The following ANHX variants were observed in gnomAD, a reference collection of about 807,000 sequenced individuals.
The protein encoded by ANHX is anomalous homeobox.
ANHX carries 20 observed loss-of-function variants against 38.9 expected under a neutral mutation model. The observed-to-expected ratio is 0.51, with a 90% confidence interval of 0.36 to 0.75. ANHX has a LOEUF of 0.75. ANHX is among the 30% of genes least tolerant of loss of function. ANHX has a pLI of 0.00. For missense variants in ANHX, 475 were observed against 493.1 expected (o/e 0.96, Z 0.35); for synonymous variants, 185 against 203.1 (o/e 0.91, Z 0.76).
chr12:133,234,212 T>C lies in ANHX; in HGVS notation c.145A>G (p.Ser49Gly). 1 of 1,536,180 alleles carries C rather than the reference T, an allele frequency of 6.5e-7. No homozygotes were observed. Among genetic ancestry groups the C allele is most frequent in the Non-Finnish European group, 8.7e-7 (1 of 1,146,910 alleles). Residue 49 changes from serine to glycine, a missense_variant, in exon 2 of 10, where the codon AGC (serine) becomes GGC (glycine). Coordinates refer to ENST00000545940, the MANE Select transcript of ANHX (RefSeq NM_001372060.1). ...TCCAGGAGATGCAGGCGGAGCTGGC[T>C]GTCCAGAATGGCTGTGACCAAAGGC... ...LQPLVTAILD[S>G]QLRLHLLDNA... is the part of the protein sequence containing the mutation.
chr12:133,230,462 G>A (rs1344311396), intron 3 of ANHX, among the ~76,000 whole-genome samples: 1 of 152,222 alleles, frequency 6.6e-6, no homozygotes, highest in Non-Finnish European at 1.5e-5. Flanking sequence ...ACCAGGCCCT[G>A]TGGCTCAGGA....
In ANHX at chr12:133,219,014, G is replaced by T. The variant is rs945527095; in HGVS notation, c.1366-43C>A. On this transcript the variant is annotated intron_variant, in intron 9 of 9. Transcript: ENST00000545940. The stretch of plus-strand genomic sequence containing the variant: ...GGTAAACACAGAGGCTTCCTTTCCA[G>T]GCTCAAGACCTGCCCTCCCACCTGG... 2.7e-6 allele frequency: 4 copies of T among 1,495,680 alleles called. No homozygotes were observed. The African/African-American group carries it at 5.5e-5, about 21-fold the overall frequency. 92.7% of individuals were successfully genotyped at this position (1,495,680 alleles called of 1,614,324 possible).
In ANHX at chr12:133,227,035, C is replaced by G. The variant is rs1019114278; in HGVS notation, c.619G>C (p.Ala207Pro). The G allele has an allele frequency of 1.0e-5, 16 of 1,535,920 alleles. No homozygotes were observed. The highest frequency in any genetic ancestry group is 1.4e-5 in the African/African-American group (1 of 73,042). ...CTCTCCCTCGCACCAGGGTCTTCAG[C>G]TGTGGCCTGCTGGGCTGGCTTCATG... ...QHMKPAQQAT[A>P]EDPGARERGP... Residue 207 changes from alanine to proline, a missense_variant, in exon 5 of 10, where the codon GCT becomes CCT. By Grantham distance (27) the Ala-to-Pro change is conservative. Transcript: ENST00000545940.
rs934730876 is a variant in ANHX, at chr12:133,219,331, G to A, written c.1317C>T (p.Pro439=). 1.4e-5 allele frequency: 21 copies of A among 1,534,652 alleles called. No individual in the cohort carries two copies. The Admixed American group carries it at 1.4e-4, about 10-fold the overall frequency. ...TCAGCTCCATGGCAGACACAGGGCC[G>A]GGGAAGGCAGATGGGGCTGGGGCCA... ...PELAPAPSAF[P]GPVSAMELSQ... The change falls in exon 9 of 10, where the codon CCC becomes CCT. Residue 439 remains proline (P), a synonymous_variant. Coordinates refer to ENST00000545940, the MANE Select transcript of ANHX (RefSeq NM_001372060.1).
In ANHX at chr12:133,224,658, A is replaced by G. The variant is rs1358666613; in HGVS notation, c.1132+878T>C. On this transcript the variant is annotated intron_variant, in intron 7 of 9. Coordinates refer to ENST00000545940, the MANE Select transcript of ANHX (RefSeq NM_001372060.1). ...AGGCTGGGTGACAGACCAAGACTCC[A>G]TCTCAAAAAAAAAAAAAAAAAAAAA... is the stretch of plus-strand genomic sequence containing the variant. Among the ~76,000 whole-genome samples the G allele has an allele frequency of 9.7e-3, 635 of 65,312 alleles. 11 individuals are homozygous for G. Among genetic ancestry groups the G allele is most frequent in the African/African-American group, 0.041 (592 of 14,452 alleles). The allele number at this position is 65,312 out of a possible 152,430, so 42.8% of individuals were successfully genotyped here.
rs921892557 is a variant in ANHX at position 133,231,655 on chromosome 12, G to T, written c.250-11C>A. The stretch of plus-strand genomic sequence containing the variant: ...CGGCACCTGGCACCCCTGCCAAGAA[G>T]AGTGTACTGAGCCCTGGCCACCTGC... On this transcript the variant is annotated splice_polypyrimidine_tract_variant and intron_variant, in intron 2 of 9. Transcript: ENST00000545940. 5 of 1,535,788 alleles carry T rather than the reference G, an allele frequency of 3.3e-6. No individual in the cohort carries two copies. In the East Asian group the frequency reaches 1.2e-4, roughly 38 times the overall value.
chr12:133,218,681 T>C lies in ANHX; in HGVS notation c.*204A>G. The stretch of plus-strand genomic sequence containing the variant: ...TCTGATCTCACGAACATTTCTCAAA[T>C]GCTTTCTCTACTACAGGGAATTGCT... On this transcript the variant is annotated 3_prime_UTR_variant, in exon 10 of 10. Transcript: ENST00000545940. 1 of 429,568 alleles carries C rather than the reference T, an allele frequency of 2.3e-6. No homozygotes were observed. The highest frequency in any genetic ancestry group is 4.1e-6 in the Non-Finnish European group (1 of 243,066). 26.6% of individuals were successfully genotyped at this position (429,568 alleles called of 1,614,324 possible).
intron 1 of ANHX, 129 bp from the exon 2 acceptor site, chr12:133,234,507 T>A: frequency 9.4e-7 from 1 of 1,069,428 alleles, no homozygotes; most frequent in Non-Finnish European, 1.3e-6. Flanking sequence ...AGAGTAGGAA[T>A]AAGACCTCAC....
chr12:133,230,319 C>T (rs747481214), intron 3 of ANHX, among the ~76,000 whole-genome samples: 1 of 152,264 alleles, frequency 6.6e-6, no homozygotes, highest in Non-Finnish European at 1.5e-5. Flanking sequence ...GAAGACCCCA[C>T]AGCTGATTTA....
At position 133,221,893 on chromosome 12, in the gene ANHX, T is replaced by C. The variant is rs1353220406; in HGVS notation, c.1133-541A>G. On this transcript the variant is annotated intron_variant, in intron 7 of 9. Coordinates refer to ENST00000545940, the MANE Select transcript of ANHX (RefSeq NM_001372060.1). This position sits in a 1 kb window ranked among gnomAD's most constrained non-coding sequence, Gnocchi z 4.1. ...AAGCTACTGTGGTTTTGGTCAATTC[T>C]GGGTGGACATTTAGGAGAGCTGTGG... Among the ~76,000 whole-genome samples the C allele has an allele frequency of 6.6e-6, 1 of 152,348 alleles. No homozygotes were observed. The highest frequency in any genetic ancestry group is 1.9e-4 in the East Asian group (1 of 5,180).
intron 1 of ANHX, 100 bp downstream of exon 1, chr12:133,235,707 C>T (rs1236292954): frequency 8.3e-5 from 11 of 132,466 alleles, no homozygotes; most frequent in East Asian, 2.3e-4. Context: ...GCGCCCCTCA[C>T]CCTCTGGGAC....
chr12:133,220,650 TAGAAC>T (rs1251453580), intron 8 of ANHX, among the ~76,000 whole-genome samples: 1 of 152,112 alleles, frequency 6.6e-6, no homozygotes. Flanking sequence ...GGGCGTCTGC[TAGAAC>T]AGGAGTGGCG....
chr12:133,227,275 C>T, intron 4 of ANHX, 123 bp from the exon 5 acceptor site: 3 of 1,057,966 alleles, frequency 2.8e-6, no homozygotes, highest in Non-Finnish European at 4.0e-6. Flanking sequence ...CTAACCTCTC[C>T]AAGGACAGCA....
chr12:133,220,575 G>C (rs1474277510), intron 8 of ANHX, among the ~76,000 whole-genome samples: 1 of 152,184 alleles, frequency 6.6e-6, no homozygotes, highest in Non-Finnish European at 1.5e-5. Context: ...GCAGCTCCCT[G>C]ATGAGGGAGA....
Position 133,221,300 on chromosome 12 carries a change from A to G in ANHX, c.1185T>C (p.Gly395=). 1 of 1,535,392 alleles carries G rather than the reference A, an allele frequency of 6.5e-7. No homozygotes were observed. The part of the protein sequence containing the change: ...GHPQSVQLEE[G]LGTSSGRTEL... ...CTGTCCGTCCACTGCTTGTGCCCAG[A>G]CCCTCCTCCAATTGCACGCTCTGGG... Residue 395 remains glycine (G), a synonymous_variant, in exon 8 of 10, where the codon GGT becomes GGC. Transcript: ENST00000545940. The surrounding 1 kb of genome is among the most constrained non-coding windows in gnomAD (Gnocchi z 4.1).
At chr12:133,222,483 T>TC (rs1209299805) in intron 7 of ANHX, among the ~76,000 whole-genome samples, 2 of 151,826 alleles carry the variant, frequency 1.3e-5, no homozygotes, top group African/African-American at 4.8e-5. Context: ...CCACAGAACA[T>TC]CCCCCCTCAC....
chr12:133,230,673 G>A (rs1438578103), intron 3 of ANHX, among the ~76,000 whole-genome samples: 1 of 152,162 alleles, frequency 6.6e-6, no homozygotes, highest in Non-Finnish European at 1.5e-5. Context: ...TGAGGTGGGA[G>A]GATCGCTTGA....
chr12:133,227,175 C>G (rs1453219417), intron 4 of ANHX, 23 bp from the exon 5 acceptor site: 27 of 1,522,766 alleles, frequency 1.8e-5, no homozygotes, highest in Non-Finnish European at 2.2e-5. Context: ...AACAAGACTT[C>G]TAGCCCTGCT....
chr12:133,227,531 A>G (rs145735428), intron 4 of ANHX, among the ~76,000 whole-genome samples: 11,834 of 152,326 alleles, frequency 0.078, 744 homozygotes, highest in African/African-American at 0.18. Context: ...AGAGCATGTC[A>G]GCTGGCAGAT....
Sources: gnomAD v4.1 joint callset for allele counts (sites outside exome capture counted in the v4.1 genomes callset) on GRCh38, gnomAD v4.1.1 for gene constraint, Gnocchi (gnomAD v3.1) non-coding constraint, MANE v1.5 for transcripts, NCBI Gene and HGNC (gene_info 2026-07-23, HGNC 2026-07-21) for gene names.